The following CARMIL1 variants were observed in gnomAD, a reference collection of about 807,000 sequenced individuals.
CARMIL1 encodes F-actin-uncapping protein LRRC16A.
In CARMIL1, 90 loss-of-function variants were observed where a neutral mutation model predicts 177.1. The observed-to-expected ratio is 0.51, with a 90% CI of 0.43 to 0.61. The LOEUF (loss-of-function observed/expected upper bound fraction) is 0.61. CARMIL1 is among the 20% of genes least tolerant of loss of function. CARMIL1 has a pLI of 0.00. For missense variants in CARMIL1, 1,380 were observed against 1,667.0 expected, an observed-to-expected ratio of 0.83 and a Z score of 3.00; for synonymous variants, 577 against 606.2, an observed-to-expected ratio of 0.95 and a Z score of 0.71.
chr6:25,502,533 GAC>G (rs1360244100), intron 17 of CARMIL1, among the ~76,000 whole-genome samples: 1 of 142,190 alleles, frequency 7.0e-6, no homozygotes, highest in Non-Finnish European at 1.5e-5. Flanking sequence ...CAGCCCGGGC[GAC>G]AGCTAGACTC....
At chr6:25,602,262 A>G (rs1399981919) in intron 33 of CARMIL1, among the ~76,000 whole-genome samples, 1 of 152,200 alleles carries the variant, frequency 6.6e-6, no homozygotes, top group Non-Finnish European at 1.5e-5. Context: ...CAAAGGAGGC[A>G]TGGTGTGGCC....
intron 26 of CARMIL1, among the ~76,000 whole-genome samples, chr6:25,549,453 T>A (rs1036362887): frequency 1.3e-5 from 2 of 152,200 alleles, no homozygotes; most frequent in Non-Finnish European, 2.9e-5. Flanking sequence ...CTTACTTGCA[T>A]CTCTTGCAGA....
chr6:25,592,133 G>T (rs1814378858), intron 31 of CARMIL1, among the ~76,000 whole-genome samples: 1 of 152,072 alleles, frequency 6.6e-6, no homozygotes, highest in Non-Finnish European at 1.5e-5. Flanking sequence ...TATGTCCTGG[G>T]GTCGCATCTT....
chr6:25,452,152 G>C, intron 8 of CARMIL1: 1 of 765,016 alleles, frequency 1.3e-6, no homozygotes, highest in Non-Finnish European at 2.4e-6. Flanking sequence ...CTGGGACTAC[G>C]GAAGATGGTG....
intron 15 of CARMIL1, 79 bp from the exon 16 acceptor site, chr6:25,495,032 G>T: frequency 2.6e-6 from 2 of 771,474 alleles, no homozygotes; most frequent in South Asian, 1.7e-5. Flanking sequence ...CTGATTTGTA[G>T]ATTTCACAGT....
In CARMIL1 at chr6:25,577,001, T is replaced by C. The variant is rs375462330; in HGVS notation, c.2743-3923T>C. On this transcript the variant is annotated intron_variant, in intron 29 of 36. Transcript: ENST00000329474. This position sits in a 1 kb window ranked among gnomAD's most constrained non-coding sequence, Gnocchi z 4.5. The stretch of plus-strand genomic sequence containing the variant: ...ACTCTCTGCTGTACAAGTGTAAGTA[T>C]TTTTTGGTGGCTCTGCGGTTTCTGG... 1.0e-4 allele frequency: 103 copies of C among 985,238 alleles called. 1 individual carries two copies. In the African/African-American group the frequency reaches 1.3e-3, roughly 13 times the overall value. 61.0% of individuals were successfully genotyped at this position (985,238 alleles called of 1,614,324 possible).
chr6:25,515,957 A>T lies in CARMIL1; in HGVS notation c.1805+110A>T. ...GGGGACCTGGGCTTCCCATGAGGCCATCTTGAGGAGAAGAGGTGACAATGT... is the reference window on the plus strand; with the variant it reads ...GGGGACCTGGGCTTCCCATGAGGCCTTCTTGAGGAGAAGAGGTGACAATGT... On this transcript the variant is annotated intron_variant, in intron 21 of 36. Coordinates refer to ENST00000329474, the MANE Select transcript of CARMIL1 (RefSeq NM_017640.6). This position sits in a 1 kb window ranked among gnomAD's most constrained non-coding sequence, Gnocchi z 5.0. The T allele has an allele frequency of 1.9e-6, 2 of 1,060,542 alleles. No individual in the cohort carries two copies. The highest frequency in any genetic ancestry group is 3.9e-5 in the South Asian group (2 of 51,942). The allele number at this position is 1,060,542 out of a possible 1,614,324, so 65.7% of individuals were successfully genotyped here.
At chr6:25,489,574 C>G in intron 13 of CARMIL1, among the ~76,000 whole-genome samples, 1 of 152,176 alleles carries the variant, frequency 6.6e-6, no homozygotes, top group East Asian at 1.9e-4. Context: ...GTTTCTTTAA[C>G]AACATGGCCT....
In CARMIL1 at chr6:25,571,735, C is replaced by A. The variant is rs556004888; in HGVS notation, c.2743-9189C>A. ...ATTCAGTCAGTAGTTCACAGCATCC[C>A]GTATGTGGTATTCATGCTAAAAATG... On this transcript the variant is annotated intron_variant, in intron 29 of 36. Coordinates refer to ENST00000329474, the MANE Select transcript of CARMIL1 (RefSeq NM_017640.6). Among the ~76,000 whole-genome samples, 5 of 152,274 alleles carry A rather than the reference C, an allele frequency of 3.3e-5. No homozygotes were observed. The South Asian group carries it at 1.0e-3, about 32-fold the overall frequency.
chr6:25,557,701 G>C (rs557040487), intron 29 of CARMIL1, among the ~76,000 whole-genome samples: 15 of 152,224 alleles, frequency 9.9e-5, no homozygotes, highest in Non-Finnish European at 2.2e-4. Flanking sequence ...GTAATTTTTA[G>C]ATGAAGCCAT....
intron 2 of CARMIL1, among the ~76,000 whole-genome samples, chr6:25,414,574 T>C (rs1581859673): frequency 6.6e-6 from 1 of 152,218 alleles, no homozygotes; most frequent in African/African-American, 2.4e-5. Context: ...GGAGACTGAG[T>C]TCATTGGGAT....
At chr6:25,403,190 G>A (rs1367791619) in intron 2 of CARMIL1, among the ~76,000 whole-genome samples, 1 of 151,634 alleles carries the variant, frequency 6.6e-6, no homozygotes, top group East Asian at 1.9e-4. Flanking sequence ...ATTATTTCAT[G>A]GGTGTAAACC....
At chr6:25,306,169 T>C (rs1042738476) in intron 2 of CARMIL1, among the ~76,000 whole-genome samples, 7 of 152,176 alleles carry the variant, frequency 4.6e-5, no homozygotes, top group African/African-American at 1.4e-4. Context: ...GCATGTTTTA[T>C]ATAAATCAAT....
At chr6:25,390,917 G>A (rs1309140186) in intron 2 of CARMIL1, among the ~76,000 whole-genome samples, 2 of 152,164 alleles carry the variant, frequency 1.3e-5, no homozygotes, top group Non-Finnish European at 2.9e-5. Context: ...GGCCAGGCTG[G>A]TCTTGAACTG....
intron 13 of CARMIL1, 55 bp from the exon 14 acceptor site, chr6:25,491,677 G>T: frequency 9.1e-7 from 1 of 1,095,312 alleles, no homozygotes; most frequent in Non-Finnish European, 1.3e-6. Context: ...AACTTGCATT[G>T]TGTGTATGTG....
rs180984046 is a variant in CARMIL1, at chr6:25,577,589, A to T, written c.2743-3335A>T. Among the ~76,000 whole-genome samples the T allele has an allele frequency of 1.3e-4, 20 of 152,256 alleles. No homozygotes were observed. Among genetic ancestry groups the T allele is most frequent in the Middle Eastern group, 6.8e-3 (2 of 294 alleles). The stretch of plus-strand genomic sequence containing the variant: ...CTCTTTCTATTTTTATGGTGACTTA[A>T]GCAACTTGACTCTCATTTTTTTAAA... On this transcript the variant is annotated intron_variant, in intron 29 of 36. Coordinates refer to ENST00000329474, the MANE Select transcript of CARMIL1 (RefSeq NM_017640.6). The surrounding 1 kb of genome is among the most constrained non-coding windows in gnomAD (Gnocchi z 4.5).
chr6:25,452,447 GT>G (rs1799067384), intron 8 of CARMIL1: 3 of 489,904 alleles, frequency 6.1e-6, no homozygotes, highest in South Asian at 3.3e-5. Flanking sequence ...TGGTCTCAGC[GT>G]TTTTGGTCCC....
chr6:25,509,813 C>A lies in CARMIL1; in HGVS notation c.1477+76C>A. 1 of 1,050,584 alleles carries A rather than the reference C, an allele frequency of 9.5e-7. No individual in the cohort carries two copies. The allele number at this position is 1,050,584 out of a possible 1,614,324, so 65.1% of individuals were successfully genotyped here. A position where few individuals can be genotyped will look rare whatever the true frequency, so the allele number is the denominator to read the frequency against. On this transcript the variant is annotated intron_variant, in intron 18 of 36. Transcript: ENST00000329474. This position sits in a 1 kb window ranked among gnomAD's most constrained non-coding sequence, Gnocchi z 4.1. Reference sequence around the variant, plus strand: ...TTAATAAGGGGAAAATAATCTTCTACCCAAATCCAAACAATAGCTTAATAA... The same window carrying A: ...TTAATAAGGGGAAAATAATCTTCTAACCAAATCCAAACAATAGCTTAATAA...
At chr6:25,459,118 G>C (rs1799779531) in intron 8 of CARMIL1, among the ~76,000 whole-genome samples, 1 of 151,720 alleles carries the variant, frequency 6.6e-6, no homozygotes, top group Non-Finnish European at 1.5e-5. Context: ...CTTCTGGAAA[G>C]ATATAAGAGA....
Sources: gnomAD v4.1 joint callset for allele counts (sites outside exome capture counted in the v4.1 genomes callset) on GRCh38, gnomAD v4.1.1 for gene constraint, Gnocchi (gnomAD v3.1) non-coding constraint, MANE v1.5 for transcripts, NCBI Gene and HGNC (gene_info 2026-07-23, HGNC 2026-07-21) for gene names.